The following BRD10 variants were observed in gnomAD, a reference collection of about 807,000 sequenced individuals.
The protein encoded by BRD10 is bromodomain containing 10, also known as uncharacterized bromodomain-containing protein 10.
At chr9:6,002,710 C>CT in the BRD10 span, among the ~76,000 whole-genome samples, 15 of 139,204 alleles carry the variant, frequency 1.1e-4, no homozygotes, top group Non-Finnish European at 2.3e-4. Context: ...TTTTTCCACT[C>CT]TTATCACCCA....
the BRD10 span, among the ~76,000 whole-genome samples, chr9:5,929,563 GGTTT>G: frequency 6.6e-6 from 1 of 152,016 alleles, no homozygotes; most frequent in Non-Finnish European, 1.5e-5. Context: ...AGAAAAGGTA[GGTTT>G]GTTATCATGT....
chr9:5,943,207 A>G, the BRD10 span, among the ~76,000 whole-genome samples: 1 of 152,120 alleles, frequency 6.6e-6, no homozygotes, highest in Non-Finnish European at 1.5e-5. Flanking sequence ...TTCTTCTTCT[A>G]CACAGTACCA....
chr9:5,913,077 CTGAT>C, the BRD10 span, among the ~76,000 whole-genome samples: 2 of 152,076 alleles, frequency 1.3e-5, no homozygotes, highest in Non-Finnish European at 2.9e-5. Flanking sequence ...TATGGTCTCT[CTGAT>C]TGTTTTTATA....
the BRD10 span, among the ~76,000 whole-genome samples, chr9:5,960,035 T>C: frequency 2.5e-4 from 38 of 152,212 alleles, no homozygotes; most frequent in African/African-American, 8.9e-4. Flanking sequence ...CCAATTCCCA[T>C]TATTCTTCAA....
the BRD10 span, among the ~76,000 whole-genome samples, chr9:5,998,755 G>A: frequency 6.6e-6 from 1 of 151,784 alleles, no homozygotes; most frequent in Non-Finnish European, 1.5e-5. Context: ...AATAAGTCTT[G>A]GATATGATTA....
At chr9:5,959,883 A>G in the BRD10 span, among the ~76,000 whole-genome samples, 1 of 152,214 alleles carries the variant, frequency 6.6e-6, no homozygotes, top group Admixed American at 6.5e-5. Flanking sequence ...TCACCCAAAA[A>G]TGACACCCTT....
At chr9:5,921,364 C>T in the BRD10 span, 1 of 1,613,914 alleles carries the variant, frequency 6.2e-7, no homozygotes. Context: ...TTTGGGGTTG[C>T]TCTGGAGTCT....
At chr9:5,972,125 T>G in the BRD10 span, among the ~76,000 whole-genome samples, 1 of 152,168 alleles carries the variant, frequency 6.6e-6, no homozygotes, top group Non-Finnish European at 1.5e-5. Flanking sequence ...TTTAAGGAAC[T>G]CCTACTACTA....
At chr9:5,934,853 T>C in the BRD10 span, among the ~76,000 whole-genome samples, 4 of 152,194 alleles carry the variant, frequency 2.6e-5, no homozygotes, top group African/African-American at 4.8e-5. Context: ...AAAAACAGTA[T>C]ATAATAAACT....
chr9:5,946,893 A>T, the BRD10 span, among the ~76,000 whole-genome samples: 1 of 152,142 alleles, frequency 6.6e-6, no homozygotes, highest in African/African-American at 2.4e-5. Context: ...TTTAATTACC[A>T]ATTAGTTATG....
the BRD10 span, chr9:5,919,681 A>T: frequency 2.8e-5 from 45 of 1,591,916 alleles, no homozygotes; most frequent in Non-Finnish European, 3.8e-5. Flanking sequence ...TTTTAGTCTA[A>T]ATTCAAGATG....
chr9:5,920,987 G>A, the BRD10 span: 2 of 1,613,932 alleles, frequency 1.2e-6, no homozygotes, highest in Admixed American at 1.7e-5. Flanking sequence ...TGAAGCAGAG[G>A]CTGAGGTCAC....
At chr9:5,961,711 A>G in the BRD10 span, among the ~76,000 whole-genome samples, 69 of 152,322 alleles carry the variant, frequency 4.5e-4, 1 homozygote, top group East Asian at 0.013. Context: ...TGTTTCCAAT[A>G]GTAAGGAACA....
the BRD10 span, among the ~76,000 whole-genome samples, chr9:5,989,686 C>T: frequency 1.1e-3 from 169 of 152,028 alleles, 1 homozygote; most frequent in African/African-American, 4.0e-3. Flanking sequence ...TGTGCCACCA[C>T]GCCTGGCTAA....
chr9:5,900,065 T>C, the BRD10 span, among the ~76,000 whole-genome samples: 4 of 152,266 alleles, frequency 2.6e-5, no homozygotes, highest in African/African-American at 4.8e-5. Flanking sequence ...GAAGTAAAGC[T>C]ATACAAACTC....
At chr9:5,926,943 G>A in the BRD10 span, among the ~76,000 whole-genome samples, 1 of 151,954 alleles carries the variant, frequency 6.6e-6, no homozygotes, top group South Asian at 2.1e-4. Context: ...TTCAACAAAT[G>A]TTAGTTAATA....
the BRD10 span, among the ~76,000 whole-genome samples, chr9:5,890,572 A>G: frequency 2.0e-5 from 3 of 152,158 alleles, no homozygotes; most frequent in African/African-American, 7.2e-5. Context: ...GGTTGGTGCA[A>G]AAGTAATTGT....
At chr9:5,920,785 T>C in the BRD10 span, 7 of 1,613,894 alleles carry the variant, frequency 4.3e-6, no homozygotes, top group Non-Finnish European at 5.9e-6. Flanking sequence ...GCAAAGCTGA[T>C]GTTAAACATT....
chr9:6,007,159 AGTCT>A, the BRD10 span: 6 of 1,586,916 alleles, frequency 3.8e-6, no homozygotes, highest in Non-Finnish European at 5.2e-6. Flanking sequence ...TGTTTGTGTC[AGTCT>A]GTCAGTCCCA....
Sources: allele counts gnomAD v4.1 joint callset (sites outside exome capture counted in the v4.1 genomes callset), GRCh38; gene constraint gnomAD v4.1.1; transcripts MANE v1.5; gene names NCBI Gene and HGNC (gene_info 2026-07-23, HGNC 2026-07-21).